PACSIN2: variants seen among roughly 807,000 people sequenced by gnomAD.
The protein encoded by PACSIN2 is protein kinase C and casein kinase substrate in neurons 2.
PACSIN2 carries 25 observed loss-of-function variants against 63.8 expected under a neutral mutation model. The observed-to-expected ratio is 0.39, with a 90% confidence interval of 0.29 to 0.55. PACSIN2 has a LOEUF of 0.55. Among genes scored for constraint, PACSIN2 ranks in the 20% least tolerant of loss-of-function variants. PACSIN2 has a pLI of 0.62. For missense variants in PACSIN2, 518 were observed against 646.9 expected (o/e 0.80, Z 2.16); for synonymous variants, 255 against 256.2 (o/e 1.00, Z 0.05).
At chr22:43,010,237 T>C (rs1924375742) in intron 1 of PACSIN2, among the ~76,000 whole-genome samples, 1 of 151,582 alleles carries the variant, frequency 6.6e-6, no homozygotes, top group Non-Finnish European at 1.5e-5. Context: ...ACGCAAATGA[T>C]TTTTTTAGGA....
At chr22:42,941,026 AC>A in intron 1 of PACSIN2, among the ~76,000 whole-genome samples, 1 of 151,992 alleles carries the variant, frequency 6.6e-6, no homozygotes, top group South Asian at 2.1e-4. Context: ...GAAACCCCAC[AC>A]CCTTCCCCAG....
chr22:42,880,895 C>T (rs1929021670), intron 7 of PACSIN2, among the ~76,000 whole-genome samples: 1 of 152,192 alleles, frequency 6.6e-6, no homozygotes, highest in African/African-American at 2.4e-5. Context: ...CCGGGAGCAG[C>T]AAATCCTCGC....
rs1933734580 is a variant in PACSIN2 at position 42,952,418 on chromosome 22, T to G, written c.-77-40261A>C. Among the ~76,000 whole-genome samples the G allele has an allele frequency of 2.0e-5, 3 of 150,232 alleles. No individual in the cohort carries two copies. The South Asian group carries it at 6.3e-4, about 32-fold the overall frequency. On this transcript the variant is annotated intron_variant, in intron 1 of 10. Coordinates refer to ENST00000263246, the MANE Select transcript of PACSIN2 (RefSeq NM_001184970.3). ...TCACCCAGGCTGGAGTGCAGTGGCATGATCTTGGCTCACTGCAGCAGCCTC... is the reference window on the plus strand; with the variant it reads ...TCACCCAGGCTGGAGTGCAGTGGCAGGATCTTGGCTCACTGCAGCAGCCTC...
intron 1 of PACSIN2, among the ~76,000 whole-genome samples, chr22:42,923,309 C>A (rs755010910): frequency 1.6e-4 from 24 of 152,346 alleles, no homozygotes; most frequent in Admixed American, 2.0e-4. Context: ...GCAAGGCAGA[C>A]CACATTGCTG....
At chr22:42,890,835 G>T in intron 4 of PACSIN2, 112 bp downstream of exon 4, 1 of 772,438 alleles carries the variant, frequency 1.3e-6, no homozygotes, top group Non-Finnish European at 2.2e-6. Context: ...ACCAGGTCTG[G>T]CCTCCTGTGC....
In PACSIN2 at chr22:42,879,133, T is replaced by C; in HGVS notation, c.943A>G (p.Arg315Gly). The C allele has an allele frequency of 6.2e-7, 1 of 1,613,988 alleles. No homozygotes were observed. The highest frequency in any genetic ancestry group is 8.5e-7 in the Non-Finnish European group (1 of 1,179,946). The change falls in exon 8 of 11, where the codon AGA becomes GGA. Residue 315 changes from arginine to glycine, a missense_variant. Physicochemically the swap from Arg to Gly is moderately radical, Grantham distance 125 (BLOSUM62 -2). Around this residue, in one of 2 missense-constraint regions of PACSIN2, gnomAD observed 507 missense variants for 612.3 expected, o/e 0.83. Coordinates refer to ENST00000263246, the MANE Select transcript of PACSIN2 (RefSeq NM_001184970.3). The stretch of plus-strand genomic sequence containing the variant: ...CCGTCAGTGGCCTTCTTCTTCTCTC[T>C]CCGGCTGAGGGTTCGATTCAGGTCT... ...SADLNRTLSR[R>G]EKKKATDGVT...
At chr22:42,918,822 G>C (rs955480718) in intron 1 of PACSIN2, among the ~76,000 whole-genome samples, 1 of 152,204 alleles carries the variant, frequency 6.6e-6, no homozygotes, top group Non-Finnish European at 1.5e-5. Context: ...CTGTCAGGAA[G>C]TACTACTATA....
At chr22:42,983,623 A>C (rs188178170) in intron 1 of PACSIN2, among the ~76,000 whole-genome samples, 164 of 152,288 alleles carry the variant, frequency 1.1e-3, no homozygotes, top group African/African-American at 3.8e-3. Context: ...ACATATGAGA[A>C]TATATCAATT....
chr22:43,012,912 C>T (rs1924597997), intron 1 of PACSIN2, among the ~76,000 whole-genome samples: 1 of 152,182 alleles, frequency 6.6e-6, no homozygotes. Context: ...CCTCTGCCTC[C>T]CAAAGTGCTG....
chr22:42,900,312 C>T (rs960175443), intron 2 of PACSIN2, among the ~76,000 whole-genome samples: 15 of 152,154 alleles, frequency 9.9e-5, no homozygotes, highest in East Asian at 5.8e-4. Flanking sequence ...GTAAGCCTCC[C>T]GCCAAAAGGT....
intron 1 of PACSIN2, among the ~76,000 whole-genome samples, chr22:42,927,576 G>GTTAT (rs377033443): frequency 6.7e-6 from 1 of 150,260 alleles, no homozygotes; most frequent in African/African-American, 2.5e-5. Flanking sequence ...TATTTATTTA[G>GTTAT]TTATTTAGTT....
intron 2 of PACSIN2, among the ~76,000 whole-genome samples, chr22:42,907,309 C>G (rs562464083): frequency 1.3e-5 from 2 of 152,226 alleles, no homozygotes; most frequent in African/African-American, 4.8e-5. Context: ...GCCATCCAAT[C>G]TGCTTTTCTA....
chr22:42,926,769 C>T lies in PACSIN2; in HGVS notation c.-77-14612G>A, dbSNP rs8139629. Among the ~76,000 whole-genome samples, 168 of 151,906 alleles carry T rather than the reference C, an allele frequency of 1.1e-3. 1 individual carries two copies. The highest frequency in any genetic ancestry group is 3.8e-3 in the African/African-American group (156 of 41,414). On this transcript the variant is annotated intron_variant, in intron 1 of 10. Coordinates refer to ENST00000263246, the MANE Select transcript of PACSIN2 (RefSeq NM_001184970.3). Reference sequence around the variant, plus strand: ...ACTGCTTGAGCCTAGGAGTTCAAGGCTGCAGTGAGCTATGATCACGCCTGT... The same window carrying T: ...ACTGCTTGAGCCTAGGAGTTCAAGGTTGCAGTGAGCTATGATCACGCCTGT...
chr22:42,962,045 C>G (rs1934153443), intron 1 of PACSIN2, among the ~76,000 whole-genome samples: 1 of 152,136 alleles, frequency 6.6e-6, no homozygotes, highest in Non-Finnish European at 1.5e-5. Flanking sequence ...GCACTCACTC[C>G]ACTAAGACAG....
chr22:42,918,116 T>C (rs1245380860), intron 1 of PACSIN2, among the ~76,000 whole-genome samples: 1 of 152,176 alleles, frequency 6.6e-6, no homozygotes, highest in Admixed American at 6.5e-5. Context: ...CAGGTAACAG[T>C]TGCTATGGTG....
At chr22:42,930,208 T>A (rs1932757538) in intron 1 of PACSIN2, among the ~76,000 whole-genome samples, 1 of 152,230 alleles carries the variant, frequency 6.6e-6, no homozygotes, top group Non-Finnish European at 1.5e-5. Context: ...ACCTCTGGAC[T>A]CTGCAGATGA....
intron 1 of PACSIN2, among the ~76,000 whole-genome samples, chr22:42,918,754 G>C (rs1352120269): frequency 1.3e-5 from 2 of 152,212 alleles, no homozygotes; most frequent in Admixed American, 6.5e-5. Context: ...AGGGAGGCTG[G>C]AGCCTCAGGG....
At chr22:42,999,955 C>A (rs779775160) in intron 1 of PACSIN2, among the ~76,000 whole-genome samples, 1 of 152,234 alleles carries the variant, frequency 6.6e-6, no homozygotes, top group East Asian at 1.9e-4. Flanking sequence ...AAGGGCAATG[C>A]CATCACAAGT....
intron 7 of PACSIN2, among the ~76,000 whole-genome samples, chr22:42,880,045 A>G (rs1739521970): frequency 6.6e-6 from 1 of 152,224 alleles, no homozygotes; most frequent in African/African-American, 2.4e-5. Context: ...ATTTTCTAGA[A>G]GAGTCTGTGC....
Sources: allele counts gnomAD v4.1 joint callset (sites outside exome capture counted in the v4.1 genomes callset), GRCh38; gene constraint gnomAD v4.1.1; regional missense constraint gnomAD v4.1.1; transcripts MANE v1.5; gene names NCBI Gene and HGNC (gene_info 2026-07-23, HGNC 2026-07-21).